Variants in TNFRSF8 observed in about 807,000 individuals in gnomAD.
TNFRSF8 encodes tumor necrosis factor receptor superfamily member 8.
A neutral mutation model predicts 70.8 loss-of-function variants in TNFRSF8; 26 were observed. The observed-to-expected ratio is 0.37, with a 90% CI of 0.27 to 0.51. TNFRSF8 has a LOEUF of 0.51. TNFRSF8 is among the 20% of genes least tolerant of loss of function. The pLI is 0.94. For synonymous variants in TNFRSF8, 356 were observed against 339.2 expected, an observed-to-expected ratio of 1.05 and a Z score of -0.54; for missense variants, 720 against 807.9, an observed-to-expected ratio of 0.89 and a Z score of 1.32.
At chr1:12,073,375 A>T (rs1286185919) in intron 1 of TNFRSF8, among the ~76,000 whole-genome samples, 1 of 151,644 alleles carries the variant, frequency 6.6e-6, no homozygotes, top group Non-Finnish European at 1.5e-5. Flanking sequence ...AAAGTCGAAT[A>T]CTCCCAGGGA....
At chr1:12,116,538 C>T (rs905120654) in intron 8 of TNFRSF8, among the ~76,000 whole-genome samples, 6 of 152,046 alleles carry the variant, frequency 3.9e-5, no homozygotes, top group African/African-American at 9.7e-5. Flanking sequence ...TGGTGGCTCA[C>T]GCCTGTGATC....
In TNFRSF8 at chr1:12,123,710, C is replaced by T. The variant is rs184842154; in HGVS notation, c.1041-5C>T. 167 of 1,556,872 alleles carry T rather than the reference C, an allele frequency of 1.1e-4. 1 individual carries two copies. The highest frequency in any genetic ancestry group is 5.0e-4 in the Middle Eastern group (3 of 5,998). Reference sequence around the variant, plus strand: ...ATCACTCCTGCCTTGGGCTTCTCCCCGCAGCACCAGCCCCACTCAGAGCTT... The same window carrying T: ...ATCACTCCTGCCTTGGGCTTCTCCCTGCAGCACCAGCCCCACTCAGAGCTT... On this transcript the variant is annotated splice_region_variant and splice_polypyrimidine_tract_variant and intron_variant, in intron 9 of 14. Coordinates refer to ENST00000263932, the MANE Select transcript of TNFRSF8 (RefSeq NM_001243.5).
chr1:12,115,630 T>C lies in TNFRSF8; in HGVS notation c.847T>C (p.Cys283Arg). The C allele has an allele frequency of 6.2e-7, 1 of 1,614,210 alleles. No homozygotes were observed. Among genetic ancestry groups the C allele is most frequent in the Non-Finnish European group, 8.5e-7 (1 of 1,180,030 alleles). Residue 283 changes from cysteine to arginine, a missense_variant, in exon 8 of 15, where the codon TGT (cysteine) becomes CGT (arginine). Transcript: ENST00000263932. ...CAWNSSRTCE[C>R]RPGMICATSA... The stretch of plus-strand genomic sequence containing the variant: ...ATGGAACTCCTCCCGCACCTGCGAA[T>C]GTCGACCTGGCATGATCTGTGCCAC...
rs1570095876 is a variant in TNFRSF8 at position 12,142,423 on chromosome 1, C to T, written c.1680C>T (p.Tyr560=). The T allele has an allele frequency of 6.2e-7, 1 of 1,612,758 alleles. No individual in the cohort carries two copies. Among genetic ancestry groups the T allele is most frequent in the Non-Finnish European group, 8.5e-7 (1 of 1,179,472 alleles). Residue 560 remains tyrosine, a synonymous_variant, in exon 15 of 15, where the codon TAC becomes TAT. Coordinates refer to ENST00000263932, the MANE Select transcript of TNFRSF8 (RefSeq NM_001243.5). The surrounding 1 kb of genome is among the most constrained non-coding windows in gnomAD (Gnocchi z 5.0). ...EELEADHTPH[Y]PEQETEPPLG... ...TGGAGGCGGACCATACCCCCCACTA[C>T]CCCGAGCAGGAGACAGAACCGCCTC...
chr1:12,098,905 C>T (rs185304732), intron 3 of TNFRSF8, among the ~76,000 whole-genome samples: 41 of 152,340 alleles, frequency 2.7e-4, no homozygotes, highest in Non-Finnish European at 7.3e-5. Context: ...TTTACTTTGT[C>T]ATAATCTATA....
chr1:12,071,332 G>A (rs1364605633), intron 1 of TNFRSF8, among the ~76,000 whole-genome samples: 6 of 152,194 alleles, frequency 3.9e-5, no homozygotes, highest in South Asian at 4.2e-4. Flanking sequence ...CCAGCTACTC[G>A]CGAGGTTGAA....
intron 2 of TNFRSF8, among the ~76,000 whole-genome samples, chr1:12,093,947 T>C (rs1641287321): frequency 6.6e-6 from 1 of 151,348 alleles, no homozygotes; most frequent in South Asian, 2.1e-4. Flanking sequence ...GGTGATTGCC[T>C]GTAATCTCAG....
intron 1 of TNFRSF8, among the ~76,000 whole-genome samples, chr1:12,067,862 G>T (rs527565167): frequency 9.0e-4 from 130 of 144,858 alleles, no homozygotes; most frequent in African/African-American, 3.2e-3. Flanking sequence ...ACATTTCCAG[G>T]GCTGCTCAAA....
intron 10 of TNFRSF8, among the ~76,000 whole-genome samples, chr1:12,124,211 G>A (rs937260160): frequency 4.6e-5 from 7 of 151,978 alleles, no homozygotes; most frequent in African/African-American, 1.7e-4. Flanking sequence ...GTTTTGCCAT[G>A]TTGTCCAGGT....
Position 12,110,214 on chromosome 1 carries a change from C to T in TNFRSF8, c.676+10C>T, listed in dbSNP as rs1229948421. ...CCTAGTTCAGATCCAGGTAATTTCC[C>T]CATGAAGCTGTGGGTCGTCTCCCTG... On this transcript the variant is annotated intron_variant, in intron 6 of 14. Transcript: ENST00000263932. The surrounding 1 kb of genome is among the most constrained non-coding windows in gnomAD (Gnocchi z 4.0). The T allele has an allele frequency of 6.4e-7, 1 of 1,570,822 alleles. No homozygotes were observed. The highest frequency in any genetic ancestry group is 8.7e-7 in the Non-Finnish European group (1 of 1,156,004).
intron 1 of TNFRSF8, among the ~76,000 whole-genome samples, chr1:12,068,999 G>A (rs1640789681): frequency 6.6e-6 from 1 of 151,226 alleles, no homozygotes; most frequent in Admixed American, 6.6e-5. Flanking sequence ...AGCCTCCCAA[G>A]TAGCTGGGAC....
intron 3 of TNFRSF8, among the ~76,000 whole-genome samples, chr1:12,100,483 G>A (rs959808891): frequency 9.9e-5 from 15 of 151,976 alleles, no homozygotes; most frequent in African/African-American, 2.9e-4. Context: ...CAAACACATC[G>A]TACAGCTGTA....
intron 1 of TNFRSF8, chr1:12,080,294 G>A: frequency 1.9e-6 from 1 of 523,718 alleles, no homozygotes. Flanking sequence ...ATTGTAATCA[G>A]GAGCCAGTGG....
In TNFRSF8 at chr1:12,142,348, G is replaced by A. The variant is rs774482253; in HGVS notation, c.1605G>A (p.Pro535=). The A allele has an allele frequency of 1.1e-5, 18 of 1,607,420 alleles. No individual in the cohort carries two copies. Among genetic ancestry groups the A allele is most frequent in the Admixed American group, 6.8e-5 (4 of 59,068 alleles). The stretch of plus-strand genomic sequence containing the variant: ...TGGGGACCGTGAAGGCTGAGCTGCC[G>A]GAGGGCCGGGGCCTGGCGGGGCCAG... The part of the protein sequence containing the change: ...VIVGTVKAEL[P]EGRGLAGPAE... The change falls in exon 15 of 15, where the codon CCG becomes CCA. Residue 535 remains proline (P), a synonymous_variant. Coordinates refer to ENST00000263932, the MANE Select transcript of TNFRSF8 (RefSeq NM_001243.5). The surrounding 1 kb of genome is among the most constrained non-coding windows in gnomAD (Gnocchi z 5.0).
At chr1:12,106,439 A>G (rs1641525313) in intron 4 of TNFRSF8, among the ~76,000 whole-genome samples, 1 of 152,080 alleles carries the variant, frequency 6.6e-6, no homozygotes, top group African/African-American at 2.4e-5. Context: ...GCAAATGTGG[A>G]TACATACCTC....
At chr1:12,078,045 G>C (rs1001473563) in intron 1 of TNFRSF8, 1 of 152,306 alleles carries the variant, frequency 6.6e-6, no homozygotes, top group Non-Finnish European at 1.5e-5. Context: ...CAATAGGATG[G>C]AGGGGAAGAC....
In TNFRSF8 at chr1:12,130,159, C is replaced by G. The variant is rs562399; in HGVS notation, c.1309+3923C>G. On this transcript the variant is annotated intron_variant, in intron 12 of 14. Coordinates refer to ENST00000263932, the MANE Select transcript of TNFRSF8 (RefSeq NM_001243.5). ...CTGGCCTCAAGTGGTCCTCCCGCCT[C>G]GGCCTCCCAAAGTTCAGGGATGACA... is the stretch of plus-strand genomic sequence containing the variant. 1.0e-3 allele frequency among the ~76,000 whole-genome samples: 154 copies of G among 152,326 alleles called. 1 individual carries two copies. The highest frequency in any genetic ancestry group is 3.6e-3 in the African/African-American group (148 of 41,572).
intron 1 of TNFRSF8, among the ~76,000 whole-genome samples, chr1:12,064,495 G>A (rs1640704017): frequency 7.1e-6 from 1 of 140,064 alleles, no homozygotes; most frequent in African/African-American, 3.3e-5. Flanking sequence ...AACCATAGTA[G>A]GTGCGAGTGG....
At chr1:12,070,169 G>A (rs1640817493) in intron 1 of TNFRSF8, among the ~76,000 whole-genome samples, 2 of 150,800 alleles carry the variant, frequency 1.3e-5, no homozygotes, top group African/African-American at 2.4e-5. Context: ...ATTGGGGGGA[G>A]CAGGCAGGAT....
Sources: gnomAD v4.1 joint callset for allele counts (sites outside exome capture counted in the v4.1 genomes callset) on GRCh38, gnomAD v4.1.1 for gene constraint, Gnocchi (gnomAD v3.1) non-coding constraint, MANE v1.5 for transcripts, NCBI Gene and HGNC (gene_info 2026-07-23, HGNC 2026-07-21) for gene names.